ZNF138: variants seen among roughly 807,000 people sequenced by gnomAD.
The protein encoded by ZNF138 is zinc finger protein 138 (clone pHZ-32).
Under a neutral mutation model 33.0 loss-of-function variants are expected in ZNF138, and 33 were observed. That is an observed-to-expected ratio of 1.00 (90% CI 0.76 to 1.34). The LOEUF (loss-of-function observed/expected upper bound fraction) is 1.34. ZNF138 is among the 40% of genes most tolerant of loss of function. The pLI, the probability that ZNF138 is intolerant of heterozygous loss-of-function variation, is 0.00. For synonymous variants in ZNF138, 139 were observed against 120.4 expected (o/e 1.15, Z -1.01); for missense variants, 360 against 370.8 (o/e 0.97, Z 0.24).
chr7:64,822,792 A>G (rs1300252882), intron 3 of ZNF138, among the ~76,000 whole-genome samples: 1 of 152,204 alleles, frequency 6.6e-6, no homozygotes, highest in African/African-American at 2.4e-5. Context: ...TTCTGTAAAA[A>G]GATTGCGCTA....
chr7:64,809,645 C>G (rs1166085454), intron 1 of ZNF138, among the ~76,000 whole-genome samples: 2 of 149,840 alleles, frequency 1.3e-5, no homozygotes, highest in Non-Finnish European at 3.0e-5. Flanking sequence ...GGCGGAGACG[C>G]TCCTCACTTC....
chr7:64,822,818 A>C (rs1396511371), intron 3 of ZNF138, among the ~76,000 whole-genome samples: 1 of 152,110 alleles, frequency 6.6e-6, no homozygotes, highest in Non-Finnish European at 1.5e-5. Flanking sequence ...ATTTTGTTAG[A>C]GATTATGTTG....
chr7:64,852,458 A>C, the ZNF138 span: 1 of 1,582,776 alleles, frequency 6.3e-7, no homozygotes, highest in East Asian at 2.2e-5. Context: ...AATCTCGATG[A>C]TCAGGGGTTT....
At chr7:64,854,302 G>A in the ZNF138 span, among the ~76,000 whole-genome samples, 2 of 152,118 alleles carry the variant, frequency 1.3e-5, no homozygotes, top group African/African-American at 4.8e-5. Flanking sequence ...GTGCAGTGAC[G>A]TGATCTCAGC....
intron 1 of ZNF138, among the ~76,000 whole-genome samples, chr7:64,797,867 A>G (rs1351114707): frequency 6.6e-6 from 1 of 152,198 alleles, no homozygotes; most frequent in Non-Finnish European, 1.5e-5. Context: ...CTTAGGGAGG[A>G]GCAAAAAAGA....
chr7:64,814,087 C>T (rs1000148791), intron 1 of ZNF138: 17 of 1,228,120 alleles, frequency 1.4e-5, no homozygotes, highest in African/African-American at 1.7e-5. Context: ...ATCACAGGCT[C>T]TTCCACTTAC....
intron 3 of ZNF138, among the ~76,000 whole-genome samples, chr7:64,817,749 CAT>C (rs1441686159): frequency 2.0e-5 from 3 of 152,056 alleles, no homozygotes; most frequent in African/African-American, 7.2e-5. Flanking sequence ...TATAACTCTT[CAT>C]ATACGTTTTT....
chr7:64,821,790 C>G (rs1406466461), intron 3 of ZNF138, among the ~76,000 whole-genome samples: 1 of 151,554 alleles, frequency 6.6e-6, no homozygotes, highest in African/African-American at 2.4e-5. Context: ...CGTGATCCTC[C>G]TGCCTTGGCC....
At chr7:64,819,477 C>G (rs918731140) in intron 3 of ZNF138, among the ~76,000 whole-genome samples, 1 of 151,750 alleles carries the variant, frequency 6.6e-6, no homozygotes, top group Non-Finnish European at 1.5e-5. Flanking sequence ...AAGTGATTCT[C>G]CTGCCTCAGT....
the ZNF138 span, among the ~76,000 whole-genome samples, chr7:64,855,016 C>G: frequency 6.6e-6 from 1 of 152,026 alleles, no homozygotes; most frequent in Non-Finnish European, 1.5e-5. Flanking sequence ...TAACAAATGT[C>G]ATTAGCTGAC....
At chr7:64,827,680 C>G (rs563862544) in intron 3 of ZNF138, among the ~76,000 whole-genome samples, 1 of 152,046 alleles carries the variant, frequency 6.6e-6, no homozygotes, top group Non-Finnish European at 1.5e-5. Context: ...AGTTTTCAGA[C>G]ATTTTTGTCT....
chr7:64,844,115 G>A, the ZNF138 span, among the ~76,000 whole-genome samples: 9 of 152,306 alleles, frequency 5.9e-5, no homozygotes, highest in Middle Eastern at 3.4e-3. Flanking sequence ...GAGCCACTGC[G>A]CTGGCCAAGG....
In ZNF138 at chr7:64,832,388, G is replaced by T; in HGVS notation, c.*186G>T. On this transcript the variant is annotated 3_prime_UTR_variant, in exon 4 of 4. Transcript: ENST00000307355. ...AGTCCGCAAAGCTCACTGAACATAA[G>T]TTAATTCATACTGGAGAAAAACCCT... 1 of 1,529,326 alleles carries T rather than the reference G, an allele frequency of 6.5e-7. No individual in the cohort carries two copies. Among genetic ancestry groups the T allele is most frequent in the Non-Finnish European group, 8.7e-7 (1 of 1,144,476 alleles). 94.7% of individuals were successfully genotyped at this position (1,529,326 alleles called of 1,614,324 possible).
intron 3 of ZNF138, among the ~76,000 whole-genome samples, chr7:64,816,317 T>C (rs1201147951): frequency 6.6e-6 from 1 of 152,066 alleles, no homozygotes. Flanking sequence ...ACAAAATTTA[T>C]TTTTTGAATC....
chr7:64,805,074 C>T (rs1053674128), intron 1 of ZNF138, among the ~76,000 whole-genome samples: 2 of 152,108 alleles, frequency 1.3e-5, no homozygotes, highest in African/African-American at 4.8e-5. Context: ...GCTGAAAATC[C>T]AGCAGTATTT....
chr7:64,806,563 A>G (rs991835759), intron 1 of ZNF138, among the ~76,000 whole-genome samples: 5 of 123,378 alleles, frequency 4.1e-5, no homozygotes, highest in Non-Finnish European at 8.4e-5. Context: ...GAATCTAGGT[A>G]TTGAGATTTG....
At chr7:64,846,515 T>C in the ZNF138 span, among the ~76,000 whole-genome samples, 2 of 152,336 alleles carry the variant, frequency 1.3e-5, no homozygotes, top group East Asian at 3.9e-4. Context: ...TTTTGTATTT[T>C]TATGCAGCTG....
intron 1 of ZNF138, among the ~76,000 whole-genome samples, chr7:64,796,892 A>T (rs917034105): frequency 6.6e-6 from 1 of 152,114 alleles, no homozygotes; most frequent in East Asian, 1.9e-4. Context: ...AAAATACAAA[A>T]ATTAGAAATT....
rs368639084 is a variant in ZNF138 at position 64,815,035 on chromosome 7, G to C, written c.121G>C (p.Val41Leu). Residue 41 changes from valine (V) to leucine (L), a missense_variant, in exon 2 of 4, where the codon GTT becomes CTT. Val to Leu is a conservative substitution (Grantham distance 32, BLOSUM62 1). Transcript: ENST00000307355. ...HVMLENYRNLVFLDLITCLEQ... is the reference protein window; with the variant it reads ...HVMLENYRNLLFLDLITCLEQ... ...GATGTTAGAGAACTACAGAAACCTG[G>C]TTTTCTTGGGTGAGAATAACTTCAG... 31 of 1,601,998 alleles carry C rather than the reference G, an allele frequency of 1.9e-5. No individual in the cohort carries two copies. The African/African-American group carries it at 3.8e-4, about 20-fold the overall frequency.
Sources: allele counts gnomAD v4.1 joint callset (sites outside exome capture counted in the v4.1 genomes callset), GRCh38; gene constraint gnomAD v4.1.1; transcripts MANE v1.5; gene names NCBI Gene and HGNC (gene_info 2026-07-23, HGNC 2026-07-21).